The following TP53INP2 variants were observed in gnomAD, a reference collection of about 807,000 sequenced individuals.
TP53INP2 encodes the protein tumor protein p53 inducible nuclear protein 2, also known as tumor protein p53-inducible nuclear protein 2.
Under a neutral mutation model 17.1 loss-of-function variants are expected in TP53INP2, and 12 were observed. The ratio of observed to expected loss-of-function variants is 0.70; its 90% CI spans 0.45 to 1.14. TP53INP2 has a LOEUF of 1.14. Among genes scored for constraint, TP53INP2 ranks in the 50% most tolerant of loss-of-function variants. The probability of loss-of-function intolerance (pLI) is 0.00; values close to 1 mark genes in which losing one functional copy is unlikely to be tolerated. For missense variants in TP53INP2, 342 were observed against 330.9 expected, an observed-to-expected ratio of 1.03 and a Z score of -0.26; for synonymous variants, 145 against 147.3, an observed-to-expected ratio of 0.98 and a Z score of 0.12.
rs1367487258 is a variant in TP53INP2, at chr20:34,709,961, A to C, written c.414-97A>C. Reference sequence around the variant, plus strand: ...GTCGGGCACCCCAATCTGAACAGACACAGAACTGAGCCGAAGCAAGGGTGG... The same window carrying C: ...GTCGGGCACCCCAATCTGAACAGACCCAGAACTGAGCCGAAGCAAGGGTGG... On this transcript the variant is annotated intron_variant, in intron 4 of 4. Coordinates refer to ENST00000374810, the MANE Select transcript of TP53INP2 (RefSeq NM_021202.3). This position sits in a 1 kb window ranked among gnomAD's most constrained non-coding sequence, Gnocchi z 5.4. The C allele has an allele frequency of 1.6e-6, 2 of 1,237,672 alleles. No individual in the cohort carries two copies. The highest frequency in any genetic ancestry group is 2.1e-6 in the Non-Finnish European group (2 of 974,990). The allele number at this position is 1,237,672 out of a possible 1,614,324, so 76.7% of individuals were successfully genotyped here.
At position 34,709,178 on chromosome 20, in the gene TP53INP2, T is replaced by C; in HGVS notation, c.125-58T>C. The C allele has an allele frequency of 1.3e-6, 2 of 1,492,310 alleles. No homozygotes were observed. The highest frequency in any genetic ancestry group is 1.8e-6 in the Non-Finnish European group (2 of 1,120,986). The allele number at this position is 1,492,310 out of a possible 1,614,324, so 92.4% of individuals were successfully genotyped here. A position where few individuals can be genotyped will look rare whatever the true frequency, so the allele number is the denominator to read the frequency against. The stretch of plus-strand genomic sequence containing the variant: ...CTTGTCCGGTGTGTGTGTGTGTGTG[T>C]GTGTGTGCCTCCTCGCTGCTCCCCT... On this transcript the variant is annotated intron_variant, in intron 3 of 4. Coordinates refer to ENST00000374810, the MANE Select transcript of TP53INP2 (RefSeq NM_021202.3). This position sits in a 1 kb window ranked among gnomAD's most constrained non-coding sequence, Gnocchi z 5.4.
chr20:34,708,673 C>T lies in TP53INP2; in HGVS notation c.-49-18C>T, dbSNP rs1459806611. On this transcript the variant is annotated intron_variant, in intron 2 of 4. Coordinates refer to ENST00000374810, the MANE Select transcript of TP53INP2 (RefSeq NM_021202.3). The stretch of plus-strand genomic sequence containing the variant: ...GAACCTCAATCAGTGGTGGCTCTCA[C>T]GTCCTTCTGATTCCCAGGTTTTTGC... 5 of 1,502,028 alleles carry T rather than the reference C, an allele frequency of 3.3e-6. No individual in the cohort carries two copies. The highest frequency in any genetic ancestry group is 1.4e-5 in the African/African-American group (1 of 72,394). 93.0% of individuals were successfully genotyped at this position (1,502,028 alleles called of 1,614,324 possible). A position where few individuals can be genotyped will look rare whatever the true frequency, so the allele number is the denominator to read the frequency against.
chr20:34,711,011 C>T lies in TP53INP2; in HGVS notation c.*704C>T, dbSNP rs145864814. 307 of 153,184 alleles carry T rather than the reference C, an allele frequency of 2.0e-3. 1 individual carries two copies. The highest frequency in any genetic ancestry group is 4.9e-3 in the Admixed American group (75 of 15,298). 9.5% of individuals were successfully genotyped at this position (153,184 alleles called of 1,614,324 possible). On this transcript the variant is annotated 3_prime_UTR_variant, in exon 5 of 5. Transcript: ENST00000374810. The surrounding 1 kb of genome is among the most constrained non-coding windows in gnomAD (Gnocchi z 4.1). ...GGAGGGAATCTAGGGAACGAGGCAG[C>T]CTATTGGAGATGCGGACAGGACAGA...
chr20:34,707,679 A>G (rs546020202), intron 2 of TP53INP2, among the ~76,000 whole-genome samples: 17 of 152,254 alleles, frequency 1.1e-4, no homozygotes, highest in African/African-American at 2.9e-4. Context: ...CTGAGCCTCA[A>G]TTTCTTAACT....
At position 34,710,275 on chromosome 20, in the gene TP53INP2, T is replaced by C; in HGVS notation, c.631T>C (p.Tyr211His). The change falls in exon 5 of 5, where the codon TAC becomes CAC. Residue 211 changes from tyrosine (Y) to histidine (H), a missense_variant. Physicochemically the swap from Tyr to His is moderately conservative, Grantham distance 83 (BLOSUM62 2). Transcript: ENST00000374810. This position sits in a 1 kb window ranked among gnomAD's most constrained non-coding sequence, Gnocchi z 4.9. ...GTCCAAGAACCAGAGCAGCTTCATC[T>C]ACCAGCCGTGCCAGCGCCAGTTCAA... ...RRSKNQSSFI[Y>H]QPCQRQFNY 7.0e-7 allele frequency: 1 copy of C among 1,434,902 alleles called. No individual in the cohort carries two copies. Among genetic ancestry groups the C allele is most frequent in the Admixed American group, 2.5e-5 (1 of 40,422 alleles). 88.9% of individuals were successfully genotyped at this position (1,434,902 alleles called of 1,614,324 possible). A position where few individuals can be genotyped will look rare whatever the true frequency, so the allele number is the denominator to read the frequency against.
rs1257511892 is a variant in TP53INP2 at position 34,713,274 on chromosome 20, T to A, written c.*2967T>A. 6.5e-6 allele frequency: 1 copy of A among 152,672 alleles called. No homozygotes were observed. The highest frequency in any genetic ancestry group is 2.4e-5 in the African/African-American group (1 of 41,468). 9.5% of individuals were successfully genotyped at this position (152,672 alleles called of 1,614,324 possible). On this transcript the variant is annotated 3_prime_UTR_variant, in exon 5 of 5. Coordinates refer to ENST00000374810, the MANE Select transcript of TP53INP2 (RefSeq NM_021202.3). Reference sequence around the variant, plus strand: ...CTGAAATGAGGAGACTTTGACCATGTGACGTGTCAACAGACTCAAGGAGAC... The same window carrying A: ...CTGAAATGAGGAGACTTTGACCATGAGACGTGTCAACAGACTCAAGGAGAC...
At chr20:34,707,857 G>A (rs1988035481) in intron 2 of TP53INP2, among the ~76,000 whole-genome samples, 1 of 152,128 alleles carries the variant, frequency 6.6e-6, no homozygotes, top group Non-Finnish European at 1.5e-5. Context: ...GAGTGCAGTG[G>A]CACCTCGCAG....
chr20:34,705,802 A>T (rs1987994265), intron 2 of TP53INP2, among the ~76,000 whole-genome samples: 1 of 152,098 alleles, frequency 6.6e-6, no homozygotes, highest in Non-Finnish European at 1.5e-5. Context: ...CACAAATGCT[A>T]TTCTGGGCAG....
chr20:34,709,243 C>T lies in TP53INP2; in HGVS notation c.132C>T (p.Tyr44=). The change falls in exon 4 of 5, where the codon TAC becomes TAT. Residue 44 remains tyrosine, a synonymous_variant. Coordinates refer to ENST00000374810, the MANE Select transcript of TP53INP2 (RefSeq NM_021202.3). The surrounding 1 kb of genome is among the most constrained non-coding windows in gnomAD (Gnocchi z 5.4). ...GWLIIDLPDS[Y]AAPPSPGAAP... Reference sequence around the variant, plus strand: ...CCATCCCGCGCCCCGTAGACAGCTACGCGGCTCCACCCAGCCCCGGGGCCG... The same window carrying T: ...CCATCCCGCGCCCCGTAGACAGCTATGCGGCTCCACCCAGCCCCGGGGCCG... 1 of 1,562,096 alleles carries T rather than the reference C, an allele frequency of 6.4e-7. No homozygotes were observed. The highest frequency in any genetic ancestry group is 1.8e-4 in the Middle Eastern group (1 of 5,446).
At chr20:34,706,521 C>T (rs967093078) in intron 2 of TP53INP2, among the ~76,000 whole-genome samples, 1 of 152,140 alleles carries the variant, frequency 6.6e-6, no homozygotes, top group Non-Finnish European at 1.5e-5. Context: ...GTCACTAGCT[C>T]CCTGTGGCTA....
chr20:34,709,493 G>A lies in TP53INP2; in HGVS notation c.382G>A (p.Ala128Thr). ...CGGGTCCCCTTCCCCGCTCCCGGAC[G>A]CGGCCCTGCCTGACGGCGACCTCAG... ...EPGSPSPLPD[A>T]ALPDGDLSEG... Residue 128 changes from alanine (A) to threonine (T), a missense_variant, in exon 4 of 5, where the codon GCG becomes ACG. Physicochemically the swap from Ala to Thr is moderately conservative, Grantham distance 58 (BLOSUM62 0). Coordinates refer to ENST00000374810, the MANE Select transcript of TP53INP2 (RefSeq NM_021202.3). The surrounding 1 kb of genome is among the most constrained non-coding windows in gnomAD (Gnocchi z 5.4). 2 of 1,611,222 alleles carry A rather than the reference G, an allele frequency of 1.2e-6. No homozygotes were observed. The highest frequency in any genetic ancestry group is 1.7e-6 in the Non-Finnish European group (2 of 1,179,788).
chr20:34,710,034 C>T lies in TP53INP2; in HGVS notation c.414-24C>T. 1 of 1,280,460 alleles carries T rather than the reference C, an allele frequency of 7.8e-7. No individual in the cohort carries two copies. The highest frequency in any genetic ancestry group is 9.9e-7 in the Non-Finnish European group (1 of 1,010,952). The allele number at this position is 1,280,460 out of a possible 1,614,324, so 79.3% of individuals were successfully genotyped here. A position where few individuals can be genotyped will look rare whatever the true frequency, so the allele number is the denominator to read the frequency against. ...CCCCCGCCCAGCTTACCCGGCTTGA[C>T]CGAGCCTGGCTCTGTCCTCACAGGG... On this transcript the variant is annotated intron_variant, in intron 4 of 4. Transcript: ENST00000374810. The surrounding 1 kb of genome is among the most constrained non-coding windows in gnomAD (Gnocchi z 4.9).
At chr20:34,706,924 A>G (rs1988016676) in intron 2 of TP53INP2, among the ~76,000 whole-genome samples, 1 of 152,162 alleles carries the variant, frequency 6.6e-6, no homozygotes, top group Non-Finnish European at 1.5e-5. Context: ...GTGGAGAGTC[A>G]GTCAGGCTTC....
Position 34,709,247 on chromosome 20 carries a change from G to T in TP53INP2, c.136G>T (p.Ala46Ser), listed in dbSNP as rs748444157. ...LIIDLPDSYAAPPSPGAAPAP... is the reference protein window; with the variant it reads ...LIIDLPDSYASPPSPGAAPAP... Reference sequence around the variant, plus strand: ...CCCGCGCCCCGTAGACAGCTACGCGGCTCCACCCAGCCCCGGGGCCGCCCC... The same window carrying T: ...CCCGCGCCCCGTAGACAGCTACGCGTCTCCACCCAGCCCCGGGGCCGCCCC... Residue 46 changes from alanine to serine, a missense_variant, in exon 4 of 5, where the codon GCT (alanine) becomes TCT (serine). Coordinates refer to ENST00000374810, the MANE Select transcript of TP53INP2 (RefSeq NM_021202.3). The surrounding 1 kb of genome is among the most constrained non-coding windows in gnomAD (Gnocchi z 5.4). 1.1e-5 allele frequency: 18 copies of T among 1,566,110 alleles called. No homozygotes were observed. The East Asian group carries it at 4.1e-4, about 35-fold the overall frequency.
Position 34,710,010 on chromosome 20 carries a change from C to CCT in TP53INP2, c.414-47_414-46insTC. On this transcript the variant is annotated intron_variant, in intron 4 of 4. Coordinates refer to ENST00000374810, the MANE Select transcript of TP53INP2 (RefSeq NM_021202.3). This position sits in a 1 kb window ranked among gnomAD's most constrained non-coding sequence, Gnocchi z 4.9. ...GGGAGATGGCAGCGCCCTCTAGACC[C>CCT]CCCGCCCAGCTTACCCGGCTTGACC... The CCT allele has an allele frequency of 7.9e-7, 1 of 1,272,364 alleles. No homozygotes were observed. The highest frequency in any genetic ancestry group is 1.0e-6 in the Non-Finnish European group (1 of 1,004,264). 78.8% of individuals were successfully genotyped at this position (1,272,364 alleles called of 1,614,324 possible). A position where few individuals can be genotyped will look rare whatever the true frequency, so the allele number is the denominator to read the frequency against.
rs1988129178 is a variant in TP53INP2, at chr20:34,709,947, C to G, written c.414-111C>G. 1.6e-6 allele frequency: 2 copies of G among 1,234,636 alleles called. No homozygotes were observed. The highest frequency in any genetic ancestry group is 2.1e-6 in the Non-Finnish European group (2 of 962,904). 76.5% of individuals were successfully genotyped at this position (1,234,636 alleles called of 1,614,324 possible). Reference sequence around the variant, plus strand: ...CCCACAAGAAGGGCGTCGGGCACCCCAATCTGAACAGACACAGAACTGAGC... The same window carrying G: ...CCCACAAGAAGGGCGTCGGGCACCCGAATCTGAACAGACACAGAACTGAGC... On this transcript the variant is annotated intron_variant, in intron 4 of 4. Transcript: ENST00000374810. The surrounding 1 kb of genome is among the most constrained non-coding windows in gnomAD (Gnocchi z 5.4).
intron 2 of TP53INP2, among the ~76,000 whole-genome samples, chr20:34,706,416 A>AT (rs1175426925): frequency 6.6e-6 from 1 of 152,184 alleles, no homozygotes; most frequent in Non-Finnish European, 1.5e-5. Context: ...TATTCCATGA[A>AT]TTAGTAGGTT....
chr20:34,709,632 G>A lies in TP53INP2; in HGVS notation c.413+108G>A. The A allele has an allele frequency of 6.9e-7, 1 of 1,448,970 alleles. No homozygotes were observed. Among genetic ancestry groups the A allele is most frequent in the South Asian group, 1.4e-5 (1 of 69,188 alleles). The allele number at this position is 1,448,970 out of a possible 1,614,324, so 89.8% of individuals were successfully genotyped here. On this transcript the variant is annotated intron_variant, in intron 4 of 4. Transcript: ENST00000374810. The surrounding 1 kb of genome is among the most constrained non-coding windows in gnomAD (Gnocchi z 5.4). Reference sequence around the variant, plus strand: ...GGGGCCAGGAGCCCGCCCCGCGCTCGAGGGGGTAGCGGCCTTGGGAGGGTT... The same window carrying A: ...GGGGCCAGGAGCCCGCCCCGCGCTCAAGGGGGTAGCGGCCTTGGGAGGGTT...
In TP53INP2 at chr20:34,709,495, G is replaced by A. The variant is rs1037835082; in HGVS notation, c.384G>A (p.Ala128=). ...GGTCCCCTTCCCCGCTCCCGGACGC[G>A]GCCCTGCCTGACGGCGACCTCAGCG... ...EPGSPSPLPD[A]ALPDGDLSEG... is the part of the protein sequence containing the mutation. The change falls in exon 4 of 5, where the codon GCG becomes GCA. Residue 128 remains alanine (A), a synonymous_variant. Coordinates refer to ENST00000374810, the MANE Select transcript of TP53INP2 (RefSeq NM_021202.3). This position sits in a 1 kb window ranked among gnomAD's most constrained non-coding sequence, Gnocchi z 5.4. The A allele has an allele frequency of 6.2e-7, 1 of 1,610,776 alleles. No individual in the cohort carries two copies.
Sources: gnomAD v4.1 joint callset for allele counts (sites outside exome capture counted in the v4.1 genomes callset) on GRCh38, gnomAD v4.1.1 for gene constraint, Gnocchi (gnomAD v3.1) non-coding constraint, MANE v1.5 for transcripts, NCBI Gene and HGNC (gene_info 2026-07-23, HGNC 2026-07-21) for gene names.